Variants in DTWD2 observed in about 807,000 individuals in gnomAD.
The protein encoded by DTWD2 is tRNA-uridine aminocarboxypropyltransferase 2.
In DTWD2, 39 loss-of-function variants were observed where a neutral mutation model predicts 31.8. The ratio of observed to expected loss-of-function variants is 1.22; its 90% CI spans 0.95 to 1.60. The LOEUF (loss-of-function observed/expected upper bound fraction) is 1.60. Among genes scored for constraint, DTWD2 ranks in the 40% most tolerant of loss-of-function variants. The pLI, the probability that DTWD2 is intolerant of heterozygous loss-of-function variation, is 0.00. For synonymous variants in DTWD2, 180 were observed against 142.8 expected (o/e 1.26, Z -1.86); for missense variants, 515 against 381.5 (o/e 1.35, Z -2.92).
intron 3 of DTWD2, among the ~76,000 whole-genome samples, chr5:118,933,255 A>G (rs1411502455): frequency 6.6e-6 from 1 of 152,194 alleles, no homozygotes; most frequent in Non-Finnish European, 1.5e-5. Flanking sequence ...AAATGGTATC[A>G]ATTCTCCACA....
rs1239326581 is a variant in DTWD2 at position 118,837,481 on chromosome 5, A to C, written c.*3436T>G. On this transcript the variant is annotated 3_prime_UTR_variant, in exon 6 of 6. Coordinates refer to ENST00000510708, the MANE Select transcript of DTWD2 (RefSeq NM_173666.4). ...AATAAAATTTACTTCTGAACCAATAACAACTACAGGCAAGGGTCAACAATT... is the reference window on the plus strand; with the variant it reads ...AATAAAATTTACTTCTGAACCAATACCAACTACAGGCAAGGGTCAACAATT... The C allele has an allele frequency of 6.6e-6, 1 of 152,220 alleles. No individual in the cohort carries two copies. Among genetic ancestry groups the C allele is most frequent in the Non-Finnish European group, 1.5e-5 (1 of 68,034 alleles). 9.4% of individuals were successfully genotyped at this position (152,220 alleles called of 1,614,324 possible).
chr5:118,967,440 C>T (rs1428968316), intron 1 of DTWD2, among the ~76,000 whole-genome samples: 1 of 152,110 alleles, frequency 6.6e-6, no homozygotes, highest in Non-Finnish European at 1.5e-5. Context: ...ACCAGGGCTT[C>T]CTGAAAAAGT....
intron 4 of DTWD2, among the ~76,000 whole-genome samples, chr5:118,875,484 C>T (rs1450489716): frequency 2.2e-5 from 3 of 139,036 alleles, no homozygotes; most frequent in Admixed American, 7.7e-5. Flanking sequence ...TATACATGGG[C>T]TCAAAATAAA....
intron 4 of DTWD2, among the ~76,000 whole-genome samples, chr5:118,853,765 C>T (rs916437241): frequency 6.6e-6 from 1 of 152,108 alleles, no homozygotes. Flanking sequence ...TGAAAAACTA[C>T]GTATTGGGTA....
At chr5:118,965,267 G>A (rs1330073416) in intron 1 of DTWD2, among the ~76,000 whole-genome samples, 3 of 151,372 alleles carry the variant, frequency 2.0e-5, no homozygotes, top group African/African-American at 4.9e-5. Context: ...CGGGAGGTGG[G>A]GGGCAGCCCC....
intron 4 of DTWD2, among the ~76,000 whole-genome samples, chr5:118,870,280 C>G (rs1465047746): frequency 6.6e-6 from 1 of 152,176 alleles, no homozygotes; most frequent in Admixed American, 6.5e-5. Context: ...GCACTGCTTA[C>G]ATAATAGTAA....
intron 4 of DTWD2, among the ~76,000 whole-genome samples, chr5:118,887,414 A>G (rs192755226): frequency 6.6e-6 from 1 of 152,066 alleles, no homozygotes; most frequent in Non-Finnish European, 1.5e-5. Flanking sequence ...AGGGTGATCA[A>G]TAAAGACTGT....
chr5:118,938,551 C>T (rs951474008), intron 3 of DTWD2, among the ~76,000 whole-genome samples: 2 of 151,940 alleles, frequency 1.3e-5, no homozygotes, highest in African/African-American at 4.8e-5. Context: ...AATTCATCAG[C>T]AAATAATAAT....
intron 4 of DTWD2, among the ~76,000 whole-genome samples, chr5:118,857,954 T>G (rs1752176725): frequency 6.6e-6 from 1 of 152,156 alleles, no homozygotes; most frequent in South Asian, 2.1e-4. Context: ...TACAGATGTA[T>G]GAAAAGCAAG....
intron 1 of DTWD2, among the ~76,000 whole-genome samples, chr5:118,985,513 T>C (rs1299671927): frequency 5.4e-5 from 7 of 129,372 alleles, no homozygotes; most frequent in Admixed American, 1.6e-4. Flanking sequence ...TATATATATA[T>C]ATATACACAC....
chr5:118,973,786 G>A (rs529925700), intron 1 of DTWD2: 112 of 1,611,482 alleles, frequency 7.0e-5, no homozygotes, highest in Middle Eastern at 2.1e-4. Context: ...GATCACCGGC[G>A]TGCCCCACCA....
intron 4 of DTWD2, among the ~76,000 whole-genome samples, chr5:118,896,214 A>G (rs140643471): frequency 1.2e-4 from 19 of 152,334 alleles, no homozygotes; most frequent in African/African-American, 4.3e-4. Flanking sequence ...AAACCAGTGA[A>G]TAAACAAGAA....
chr5:118,910,588 CT>C (rs1401463133), intron 4 of DTWD2, among the ~76,000 whole-genome samples: 1 of 152,164 alleles, frequency 6.6e-6, no homozygotes, highest in African/African-American at 2.4e-5. Context: ...GCGGTGTAGG[CT>C]TTTTCTAGCA....
At chr5:118,932,929 G>A (rs1316735285) in intron 3 of DTWD2, among the ~76,000 whole-genome samples, 1 of 151,266 alleles carries the variant, frequency 6.6e-6, no homozygotes, top group East Asian at 1.9e-4. Flanking sequence ...AACTACACCT[G>A]AGGTAATCAA....
At chr5:118,920,766 TTATATC>T (rs1753685172) in intron 4 of DTWD2, among the ~76,000 whole-genome samples, 1 of 152,196 alleles carries the variant, frequency 6.6e-6, no homozygotes, top group African/African-American at 2.4e-5. Context: ...ATTAGTCTGT[TTATATC>T]TATGTGTTAT....
intron 4 of DTWD2, among the ~76,000 whole-genome samples, chr5:118,907,882 T>G (rs900420822): frequency 6.6e-6 from 1 of 152,190 alleles, no homozygotes; most frequent in African/African-American, 2.4e-5. Flanking sequence ...CCCACCCATA[T>G]TATGGCAGAC....
At chr5:118,957,258 G>A (rs985581388) in intron 1 of DTWD2, among the ~76,000 whole-genome samples, 1 of 150,990 alleles carries the variant, frequency 6.6e-6, no homozygotes. Context: ...GTCTTGCTCT[G>A]TCACCCAGGC....
At chr5:118,911,101 G>A (rs570566765) in intron 4 of DTWD2, among the ~76,000 whole-genome samples, 2 of 151,408 alleles carry the variant, frequency 1.3e-5, no homozygotes, top group African/African-American at 4.9e-5. Flanking sequence ...AATACATAAG[G>A]AACTTATATA....
rs183949635 is a variant in DTWD2, at chr5:118,979,196, C to G, written c.218+9098G>C. On this transcript the variant is annotated intron_variant, in intron 1 of 5. Transcript: ENST00000510708. ...GCGGGCACCTGTAGTCCCAGCTACT[C>G]GGGAGGCTGAGGCAGGAGAATGGTG... Among the ~76,000 whole-genome samples, 125 of 151,288 alleles carry G rather than the reference C, an allele frequency of 8.3e-4. 2 individuals carry two copies. The highest frequency in any genetic ancestry group is 2.8e-3 in the African/African-American group (116 of 41,172).
Sources: allele counts gnomAD v4.1 joint callset (sites outside exome capture counted in the v4.1 genomes callset), GRCh38; gene constraint gnomAD v4.1.1; transcripts MANE v1.5; gene names NCBI Gene and HGNC (gene_info 2026-07-23, HGNC 2026-07-21).